MYO16: variants seen among roughly 807,000 people sequenced by gnomAD.
MYO16 encodes the protein myosin XVI, also known as unconventional myosin-XVI.
In MYO16, 94 loss-of-function variants were observed where a neutral mutation model predicts 205.3. That is an observed-to-expected ratio of 0.46 (90% CI 0.39 to 0.54). MYO16 has a LOEUF of 0.54. MYO16 is among the 20% of genes least tolerant of loss of function. MYO16 has a pLI of 0.00. For missense variants in MYO16, 2,315 were observed against 2,387.5 expected (o/e 0.97, Z 0.63); for synonymous variants, 988 against 954.0 (o/e 1.04, Z -0.66).
intron 7 of MYO16, among the ~76,000 whole-genome samples, chr13:108,818,906 CA>C (rs1487872711): frequency 6.6e-6 from 1 of 152,172 alleles, no homozygotes; most frequent in Non-Finnish European, 1.5e-5. Flanking sequence ...CCATAAACCA[CA>C]ATGCTCTATT....
chr13:108,909,425 C>T (rs760922793), intron 15 of MYO16, among the ~76,000 whole-genome samples: 2 of 152,170 alleles, frequency 1.3e-5, no homozygotes, highest in Non-Finnish European at 2.9e-5. Context: ...ACCTCATCTA[C>T]CTCATCCTCA....
At chr13:108,558,136 G>A in the MYO16 span, among the ~76,000 whole-genome samples, 1 of 152,136 alleles carries the variant, frequency 6.6e-6, no homozygotes, top group Non-Finnish European at 1.5e-5. Context: ...CACAAACAGT[G>A]CTTGAATTTC....
In MYO16 at chr13:109,162,113, GTC is replaced by G. The variant is rs1446803346; in HGVS notation, c.5165-2786_5165-2785del. On this transcript the variant is annotated intron_variant, in intron 32 of 34. Coordinates refer to ENST00000457511, the MANE Select transcript of MYO16 (RefSeq NM_001198950.3). The surrounding 1 kb of genome is among the most constrained non-coding windows in gnomAD (Gnocchi z 4.6). The stretch of plus-strand genomic sequence containing the variant: ...AAACAAAACAAAGCCCAAAAAACAT[GTC>G]TTGGCTATAGTTTAACCTGCCAATT... 6.6e-6 allele frequency among the ~76,000 whole-genome samples: 1 copy of G among 152,152 alleles called. No individual in the cohort carries two copies. Among genetic ancestry groups the G allele is most frequent in the East Asian group, 1.9e-4 (1 of 5,194 alleles).
chr13:108,841,143 A>G (rs2139064917), intron 9 of MYO16, among the ~76,000 whole-genome samples: 1 of 152,348 alleles, frequency 6.6e-6, no homozygotes, highest in Middle Eastern at 3.4e-3. Context: ...TCAAGGCTAA[A>G]TGAGGAGATA....
intron 6 of MYO16, among the ~76,000 whole-genome samples, chr13:108,806,129 GAAACTA>G (rs1005758549): frequency 5.3e-5 from 8 of 151,774 alleles, no homozygotes; most frequent in African/African-American, 1.9e-4. Context: ...AATTAAAAAA[GAAACTA>G]AAACTGGGAG....
chr13:109,109,624 G>C (rs1386219437), intron 28 of MYO16, among the ~76,000 whole-genome samples: 1 of 152,176 alleles, frequency 6.6e-6, no homozygotes, highest in Admixed American at 6.5e-5. Flanking sequence ...CAATGAAGGT[G>C]CTTGTTAAGT....
intron 2 of MYO16, among the ~76,000 whole-genome samples, chr13:108,673,043 G>C (rs1470630885): frequency 6.6e-6 from 1 of 151,156 alleles, no homozygotes; most frequent in Non-Finnish European, 1.5e-5. Flanking sequence ...GTTATTGAAA[G>C]TAGGTAGGTC....
At chr13:108,540,837 T>C in the MYO16 span, among the ~76,000 whole-genome samples, 3 of 152,152 alleles carry the variant, frequency 2.0e-5, no homozygotes, top group African/African-American at 7.2e-5. Flanking sequence ...GGCAGAACTA[T>C]TTTGAGACAG....
At chr13:108,528,131 A>C in the MYO16 span, among the ~76,000 whole-genome samples, 74 of 152,246 alleles carry the variant, frequency 4.9e-4, no homozygotes, top group African/African-American at 1.8e-3. Flanking sequence ...AGTGACAGGC[A>C]TCTACAGAGG....
chr13:108,542,709 T>C, the MYO16 span, among the ~76,000 whole-genome samples: 3 of 152,118 alleles, frequency 2.0e-5, no homozygotes, highest in Non-Finnish European at 4.4e-5. Context: ...TTTTCCATAA[T>C]AACAGAAGAA....
At chr13:108,967,485 A>C (rs1286435523) in intron 20 of MYO16, among the ~76,000 whole-genome samples, 1 of 152,194 alleles carries the variant, frequency 6.6e-6, no homozygotes, top group African/African-American at 2.4e-5. Context: ...CTGGATCAGA[A>C]TCCAGTCTAC....
chr13:109,083,067 A>T (rs572906137), intron 27 of MYO16, among the ~76,000 whole-genome samples: 1 of 152,242 alleles, frequency 6.6e-6, no homozygotes, highest in South Asian at 2.1e-4. Context: ...AGGGAATATA[A>T]AGCTTATGCA....
At chr13:108,821,462 G>A in intron 8 of MYO16, among the ~76,000 whole-genome samples, 1 of 152,108 alleles carries the variant, frequency 6.6e-6, no homozygotes, top group East Asian at 1.9e-4. Flanking sequence ...ATATTAGTAT[G>A]CTAATGATAA....
At chr13:108,931,423 T>A (rs546400220) in intron 16 of MYO16, among the ~76,000 whole-genome samples, 2 of 152,284 alleles carry the variant, frequency 1.3e-5, no homozygotes, top group East Asian at 3.9e-4. Context: ...AAGAAAACAT[T>A]CTCATTCTGA....
intron 27 of MYO16, among the ~76,000 whole-genome samples, chr13:109,058,498 G>T (rs1887484677): frequency 6.6e-6 from 1 of 152,092 alleles, no homozygotes; most frequent in African/African-American, 2.4e-5. Flanking sequence ...GCATATAAAA[G>T]TTATATTTGC....
chr13:109,114,090 C>T (rs1355455073), intron 28 of MYO16, among the ~76,000 whole-genome samples: 1 of 152,040 alleles, frequency 6.6e-6, no homozygotes, highest in East Asian at 1.9e-4. Context: ...TGGGGAGCAG[C>T]AACATAGCAG....
At chr13:108,696,105 C>T (rs181976517) in intron 2 of MYO16, among the ~76,000 whole-genome samples, 83 of 152,148 alleles carry the variant, frequency 5.5e-4, no homozygotes, top group African/African-American at 1.5e-3. Flanking sequence ...TTGCTGTGAA[C>T]GTGTAGCAGC....
chr13:108,525,970 GGAGGA>G, the MYO16 span, among the ~76,000 whole-genome samples: 1 of 149,922 alleles, frequency 6.7e-6, no homozygotes, highest in Admixed American at 6.6e-5. Flanking sequence ...GAGGGGATAG[GGAGGA>G]GAGATGAGAA....
chr13:108,636,552 G>T (rs983450945), intron 1 of MYO16, among the ~76,000 whole-genome samples: 1 of 151,870 alleles, frequency 6.6e-6, no homozygotes, highest in South Asian at 2.1e-4. Flanking sequence ...GCTAATTTTT[G>T]TATTTTTAGT....
Sources: gnomAD v4.1 joint callset for allele counts (sites outside exome capture counted in the v4.1 genomes callset) on GRCh38, gnomAD v4.1.1 for gene constraint, Gnocchi (gnomAD v3.1) non-coding constraint, MANE v1.5 for transcripts, NCBI Gene and HGNC (gene_info 2026-07-23, HGNC 2026-07-21) for gene names.